Variants in GATB observed in about 807,000 individuals in gnomAD.
GATB encodes glutamyl-tRNA(Gln) amidotransferase subunit B, mitochondrial.
In GATB, 39 loss-of-function variants were observed where a neutral mutation model predicts 62.3. That is an observed-to-expected ratio of 0.63 (90% CI 0.48 to 0.82). GATB has a LOEUF of 0.82. Ranked by LOEUF, GATB falls within the 40% of genes least tolerant of loss-of-function variation. GATB has a pLI of 0.00. For synonymous variants in GATB, 276 were observed against 258.9 expected, an observed-to-expected ratio of 1.07 and a Z score of -0.63; for missense variants, 670 against 684.0, an observed-to-expected ratio of 0.98 and a Z score of 0.23.
intron 2 of GATB, among the ~76,000 whole-genome samples, chr4:151,741,182 C>T (rs780516574): frequency 7.2e-4 from 109 of 152,136 alleles, no homozygotes; most frequent in Admixed American, 3.4e-3. Flanking sequence ...AAATTATGCA[C>T]AGCAAGAGAT....
intron 10 of GATB, among the ~76,000 whole-genome samples, chr4:151,686,343 T>A (rs543387021): frequency 1.3e-5 from 2 of 152,148 alleles, no homozygotes; most frequent in African/African-American, 4.8e-5. Context: ...AACACATGGA[T>A]GTGTGCATCC....
At chr4:151,717,652 C>G (rs1738941012) in intron 3 of GATB, among the ~76,000 whole-genome samples, 1 of 152,140 alleles carries the variant, frequency 6.6e-6, no homozygotes, top group South Asian at 2.1e-4. Flanking sequence ...GTGACACTCC[C>G]CCTCCATTAA....
intron 9 of GATB, among the ~76,000 whole-genome samples, chr4:151,690,542 C>T (rs1183459829): frequency 6.6e-6 from 1 of 152,244 alleles, no homozygotes. Context: ...TCCCTTTGTT[C>T]TAACCCAGAC....
intron 2 of GATB, chr4:151,721,958 T>A: frequency 1.8e-6 from 1 of 548,374 alleles, no homozygotes. Context: ...ACAGTGATAC[T>A]GAGAATATGC....
chr4:151,713,627 G>A (rs955958586), intron 5 of GATB, among the ~76,000 whole-genome samples: 2 of 152,200 alleles, frequency 1.3e-5, no homozygotes, highest in African/African-American at 4.8e-5. Context: ...GTGAGGCTCA[G>A]ATAAATCAAA....
intron 2 of GATB, among the ~76,000 whole-genome samples, chr4:151,736,739 G>A (rs1739382914): frequency 6.6e-6 from 1 of 152,198 alleles, no homozygotes; most frequent in Non-Finnish European, 1.5e-5. Context: ...GTTGTGGGAG[G>A]GACCCGGTGG....
chr4:151,740,135 T>C (rs1739454897), intron 2 of GATB, among the ~76,000 whole-genome samples: 1 of 152,252 alleles, frequency 6.6e-6, no homozygotes, highest in Non-Finnish European at 1.5e-5. Flanking sequence ...ACTTCTGTGC[T>C]GATTTCTCAG....
intron 5 of GATB, among the ~76,000 whole-genome samples, chr4:151,714,574 C>G (rs1175156197): frequency 6.6e-6 from 1 of 152,232 alleles, no homozygotes; most frequent in Admixed American, 6.5e-5. Context: ...TCAGCTGTCA[C>G]TGACTGATGA....
chr4:151,758,921 C>T lies in GATB; in HGVS notation c.178G>A (p.Glu60Lys), dbSNP rs1443258791. The change falls in exon 2 of 13, where the codon GAA becomes AAA. Residue 60 changes from glutamate to lysine, a missense_variant and splice_region_variant. By Grantham distance (56) the Glu-to-Lys change is moderately conservative (BLOSUM62 1). Coordinates refer to ENST00000263985, the MANE Select transcript of GATB (RefSeq NM_004564.3). The part of the protein sequence containing the change: ...LHTAQKTRKG[E>K]HKWAAVVGLE... Reference sequence around the variant, plus strand: ...CCTACCACAGCAGCCCATTTGTGTTCACTAAGAAGAAAGAGATAATGGTTA... The same window carrying T: ...CCTACCACAGCAGCCCATTTGTGTTTACTAAGAAGAAAGAGATAATGGTTA... 1 of 1,597,258 alleles carries T rather than the reference C, an allele frequency of 6.3e-7. No homozygotes were observed. Among genetic ancestry groups the T allele is most frequent in the African/African-American group, 1.3e-5 (1 of 74,250 alleles).
In GATB at chr4:151,671,006, G is replaced by T; in HGVS notation, c.*168C>A. The T allele has an allele frequency of 1.3e-6, 1 of 769,896 alleles. No individual in the cohort carries two copies. The highest frequency in any genetic ancestry group is 2.1e-6 in the Non-Finnish European group (1 of 481,256). 47.7% of individuals were successfully genotyped at this position (769,896 alleles called of 1,614,324 possible). ...GGCTGTGGAGGCACCTCCAGGCACA[G>T]GGCCTAGAGGGTGAGAACACTGGTG... On this transcript the variant is annotated 3_prime_UTR_variant, in exon 13 of 13. Coordinates refer to ENST00000263985, the MANE Select transcript of GATB (RefSeq NM_004564.3).
At chr4:151,718,820 G>T (rs1258113240) in intron 3 of GATB, among the ~76,000 whole-genome samples, 1 of 152,134 alleles carries the variant, frequency 6.6e-6, no homozygotes, top group Non-Finnish European at 1.5e-5. Flanking sequence ...ACATGGTGTG[G>T]CTTAAAGAAA....
rs762207888 is a variant in GATB at position 151,760,993 on chromosome 4, G to A, written c.-11C>T. On this transcript the variant is annotated 5_prime_UTR_variant, in exon 1 of 13. Coordinates refer to ENST00000263985, the MANE Select transcript of GATB (RefSeq NM_004564.3). ...CATGGGCGCCGCCATTGTAACTCCA[G>A]GGTCTTGGTCAGGTGACTCAGCCTC... is the stretch of plus-strand genomic sequence containing the variant. 2 of 1,608,222 alleles carry A rather than the reference G, an allele frequency of 1.2e-6. No homozygotes were observed. The highest frequency in any genetic ancestry group is 1.7e-5 in the Admixed American group (1 of 59,218).
intron 9 of GATB, among the ~76,000 whole-genome samples, chr4:151,699,464 T>C (rs1034984407): frequency 1.3e-5 from 2 of 150,454 alleles, no homozygotes; most frequent in Non-Finnish European, 2.9e-5. Context: ...ACTATTAAAA[T>C]ATAGACTCAC....
At chr4:151,672,152 A>C (rs968554329) in intron 12 of GATB, among the ~76,000 whole-genome samples, 23 of 152,268 alleles carry the variant, frequency 1.5e-4, no homozygotes, top group African/African-American at 5.5e-4. Flanking sequence ...CCACTGAAAA[A>C]ATATCTCTAG....
At chr4:151,733,884 C>T (rs902602349) in intron 2 of GATB, among the ~76,000 whole-genome samples, 11 of 152,078 alleles carry the variant, frequency 7.2e-5, no homozygotes, top group Non-Finnish European at 1.0e-4. Context: ...AAAGGGCATT[C>T]GACAAAATCC....
chr4:151,691,280 G>A (rs1007698851), intron 9 of GATB, among the ~76,000 whole-genome samples: 14 of 152,144 alleles, frequency 9.2e-5, no homozygotes, highest in Middle Eastern at 3.2e-3. Flanking sequence ...CAACTTCAGC[G>A]ACACAGAGAG....
intron 2 of GATB, chr4:151,722,043 TTACAGATG>T (rs1739042522): frequency 1.6e-6 from 1 of 610,412 alleles, no homozygotes; most frequent in African/African-American, 1.9e-5. Flanking sequence ...TCATCACACG[TTACAGATG>T]CACAGAGGGC....
At chr4:151,758,003 A>T (rs1449890386) in intron 2 of GATB, among the ~76,000 whole-genome samples, 1 of 152,230 alleles carries the variant, frequency 6.6e-6, no homozygotes, top group Non-Finnish European at 1.5e-5. Flanking sequence ...TCAACCAATT[A>T]TATAAAAATA....
chr4:151,760,816 G>C lies in GATB; in HGVS notation c.167C>G (p.Thr56Arg). ...AQQPLHTAQK[T>R]RKGEHKWAAV... is the part of the protein sequence containing the mutation. Reference sequence around the variant, plus strand: ...GTATGAAACAGAATACCCTTTCCTCGTCTTCTGGGCCGTGTGGAGGGGCTG... The same window carrying C: ...GTATGAAACAGAATACCCTTTCCTCCTCTTCTGGGCCGTGTGGAGGGGCTG... The change falls in exon 1 of 13, where the codon ACG (threonine) becomes AGG (arginine). Residue 56 changes from threonine (T) to arginine (R), a missense_variant. By Grantham distance (71) the Thr-to-Arg change is moderately conservative. Transcript: ENST00000263985. 1 of 1,603,198 alleles carries C rather than the reference G, an allele frequency of 6.2e-7. No homozygotes were observed. Among genetic ancestry groups the C allele is most frequent in the Non-Finnish European group, 8.5e-7 (1 of 1,174,518 alleles).
Sources: allele counts gnomAD v4.1 joint callset (sites outside exome capture counted in the v4.1 genomes callset), GRCh38; gene constraint gnomAD v4.1.1; transcripts MANE v1.5; gene names NCBI Gene and HGNC (gene_info 2026-07-23, HGNC 2026-07-21).